EGLN3: variants seen among roughly 807,000 people sequenced by gnomAD.
EGLN3 encodes the protein prolyl hydroxylase EGLN3.
EGLN3 carries 15 observed loss-of-function variants against 26.0 expected under a neutral mutation model. That is an observed-to-expected ratio of 0.58 (90% confidence interval 0.39 to 0.89). EGLN3 has a LOEUF of 0.89. Ranked by LOEUF, EGLN3 falls within the 40% of genes least tolerant of loss-of-function variation. The pLI, the probability that EGLN3 is intolerant of heterozygous loss-of-function variation, is 0.00. For missense variants in EGLN3, 238 were observed against 311.6 expected, an observed-to-expected ratio of 0.76 and a Z score of 1.78; for synonymous variants, 147 against 127.2, an observed-to-expected ratio of 1.16 and a Z score of -1.05.
intron 3 of EGLN3, among the ~76,000 whole-genome samples, chr14:33,928,368 C>G (rs2064377178): frequency 6.6e-6 from 1 of 152,174 alleles, no homozygotes; most frequent in African/African-American, 2.4e-5. Context: ...ATAAGCTGCA[C>G]TCCATAGCCC....
Position 33,925,661 on chromosome 14 carries a change from G to C in EGLN3, c.*230C>G. On this transcript the variant is annotated 3_prime_UTR_variant, in exon 5 of 5. Transcript: ENST00000250457. ...CGCTGGCCGAGTAGGATGTCTGCAG[G>C]AATTTCTGGAGTTAGCAAGTAACTT... The C allele has an allele frequency of 1.8e-6, 1 of 561,680 alleles. No homozygotes were observed. Among genetic ancestry groups the C allele is most frequent in the Non-Finnish European group, 3.2e-6 (1 of 316,216 alleles). The allele number at this position is 561,680 out of a possible 1,614,324, so 34.8% of individuals were successfully genotyped here. A position where few individuals can be genotyped will look rare whatever the true frequency, so the allele number is the denominator to read the frequency against.
At chr14:33,933,133 C>T (rs533737240) in intron 1 of EGLN3, among the ~76,000 whole-genome samples, 1 of 152,082 alleles carries the variant, frequency 6.6e-6, no homozygotes, top group Non-Finnish European at 1.5e-5. Flanking sequence ...GTTCACTCTG[C>T]AACTAACTGT....
At chr14:33,938,009 A>G (rs2064454449) in intron 1 of EGLN3, among the ~76,000 whole-genome samples, 1 of 152,194 alleles carries the variant, frequency 6.6e-6, no homozygotes, top group South Asian at 2.1e-4. Flanking sequence ...AGGATCATTA[A>G]CTACCCAGAG....
intron 1 of EGLN3, among the ~76,000 whole-genome samples, chr14:33,938,777 T>C (rs1438260924): frequency 1.3e-5 from 2 of 152,230 alleles, no homozygotes; most frequent in African/African-American, 4.8e-5. Flanking sequence ...ATTTTGCACA[T>C]ATCTTGTTTA....
At chr14:33,927,621 A>G (rs1460082231) in intron 3 of EGLN3, among the ~76,000 whole-genome samples, 2 of 152,208 alleles carry the variant, frequency 1.3e-5, no homozygotes, top group South Asian at 2.1e-4. Context: ...TCAGGCTCCA[A>G]GTAGGGGAGA....
chr14:33,950,432 G>A lies in EGLN3; in HGVS notation c.321C>T (p.Ser107=). The A allele has an allele frequency of 6.2e-6, 10 of 1,613,276 alleles. No homozygotes were observed. Among genetic ancestry groups the A allele is most frequent in the Non-Finnish European group, 8.5e-6 (10 of 1,180,030 alleles). ...CCTTGACGTAGTATTTGCCCAGCCG[G>A]CTCCCGCAGTAGAGGACCAGCCTGT... The part of the protein sequence containing the change: ...LIDRLVLYCG[S]RLGKYYVKER... The change falls in exon 1 of 5, where the codon AGC becomes AGT. Residue 107 remains serine, a synonymous_variant. Coordinates refer to ENST00000250457, the MANE Select transcript of EGLN3 (RefSeq NM_022073.4).
At chr14:33,950,221 C>T (rs1212744315) in intron 1 of EGLN3, 175 bp downstream of exon 1, 4 of 657,022 alleles carry the variant, frequency 6.1e-6, no homozygotes, top group Non-Finnish European at 1.1e-5. Flanking sequence ...TTGACTTTCG[C>T]TCAGAGGAGC....
At chr14:33,928,376 C>A (rs1287835847) in intron 3 of EGLN3, among the ~76,000 whole-genome samples, 2 of 152,140 alleles carry the variant, frequency 1.3e-5, no homozygotes, top group African/African-American at 4.8e-5. Context: ...CACTCCATAG[C>A]CCTCCAATGC....
At chr14:33,945,983 T>C (rs145791613) in intron 1 of EGLN3, among the ~76,000 whole-genome samples, 26 of 152,364 alleles carry the variant, frequency 1.7e-4, no homozygotes, top group African/African-American at 5.5e-4. Context: ...GGAGGACCAA[T>C]TGGTCTGTTC....
rs373301982 is a variant in EGLN3, at chr14:33,950,351, C to A, written c.357+45G>T. 72 of 1,584,074 alleles carry A rather than the reference C, an allele frequency of 4.5e-5. No individual in the cohort carries two copies. In the African/African-American group the frequency reaches 9.5e-4, roughly 21 times the overall value. ...CATACAACGGACTCCGAGTGCCTCC[C>A]GTCCCCGCGGGAGCAGCTGCGGCAG... On this transcript the variant is annotated intron_variant, in intron 1 of 4. Coordinates refer to ENST00000250457, the MANE Select transcript of EGLN3 (RefSeq NM_022073.4).
intron 1 of EGLN3, among the ~76,000 whole-genome samples, chr14:33,946,578 C>T (rs1161604072): frequency 6.6e-6 from 1 of 152,102 alleles, no homozygotes; most frequent in Non-Finnish European, 1.5e-5. Flanking sequence ...CACCCCTGCA[C>T]AGCATCCCAC....
intron 1 of EGLN3, among the ~76,000 whole-genome samples, chr14:33,939,206 A>AAC (rs1326550656): frequency 1.8e-4 from 19 of 108,186 alleles, no homozygotes; most frequent in African/African-American, 5.8e-4. Context: ...TGAAACAATC[A>AAC]TCTTTTTTTT....
At chr14:33,939,058 A>G (rs1370264912) in intron 1 of EGLN3, among the ~76,000 whole-genome samples, 1 of 152,254 alleles carries the variant, frequency 6.6e-6, no homozygotes, top group Non-Finnish European at 1.5e-5. Context: ...AGAATGGAAT[A>G]TTTGAAATTT....
chr14:33,935,622 T>C (rs1769614), intron 1 of EGLN3, among the ~76,000 whole-genome samples: 2,196 of 88,962 alleles, frequency 0.025, 13 homozygotes, highest in Middle Eastern at 0.054. Context: ...CACACACACA[T>C]ATATATATAT....
At chr14:33,930,282 T>C (rs970013824) in intron 2 of EGLN3, among the ~76,000 whole-genome samples, 20 of 152,248 alleles carry the variant, frequency 1.3e-4, no homozygotes, top group African/African-American at 3.9e-4. Context: ...ATTCCAGTCA[T>C]GTTACCAAAC....
At chr14:33,945,265 T>G (rs1433867086) in intron 1 of EGLN3, among the ~76,000 whole-genome samples, 1 of 152,186 alleles carries the variant, frequency 6.6e-6, no homozygotes, top group Non-Finnish European at 1.5e-5. Flanking sequence ...TATTCACAGG[T>G]AGATTTCTAA....
chr14:33,937,775 TA>T (rs993735060), intron 1 of EGLN3, among the ~76,000 whole-genome samples: 6 of 152,158 alleles, frequency 3.9e-5, no homozygotes, highest in African/African-American at 1.4e-4. Context: ...TCTCCCAAGG[TA>T]GAACAACGGT....
intron 1 of EGLN3, among the ~76,000 whole-genome samples, chr14:33,935,106 G>A (rs2064432102): frequency 6.6e-6 from 1 of 152,138 alleles, no homozygotes; most frequent in Non-Finnish European, 1.5e-5. Context: ...CCTAAGTACG[G>A]GATAATCTGC....
At position 33,950,741 on chromosome 14, in the gene EGLN3, T is replaced by C. The variant is rs1166147679; in HGVS notation, c.12A>G (p.Gly4=). Residue 4 remains glycine (G), a synonymous_variant, in exon 1 of 5, where the codon GGA becomes GGG. Transcript: ENST00000250457. MPL[G]HIMRLDLEKI... ...TCTCCAGGTCCAGCCTCATGATGTG[T>C]CCCAGGGGCATCTCGCCCGCAGAAT... 15 of 1,603,604 alleles carry C rather than the reference T, an allele frequency of 9.4e-6. No homozygotes were observed. The highest frequency in any genetic ancestry group is 1.3e-5 in the Non-Finnish European group (15 of 1,172,000).
Sources: gnomAD v4.1 joint callset for allele counts (sites outside exome capture counted in the v4.1 genomes callset) on GRCh38, gnomAD v4.1.1 for gene constraint, MANE v1.5 for transcripts, NCBI Gene and HGNC (gene_info 2026-07-23, HGNC 2026-07-21) for gene names.